Variants in PJA2 observed in about 807,000 individuals in gnomAD.
PJA2 encodes praja ring finger ubiquitin ligase 2, also known as E3 ubiquitin-protein ligase Praja-2.
A neutral mutation model predicts 69.3 loss-of-function variants in PJA2; 25 were observed. The ratio of observed to expected loss-of-function variants is 0.36; its 90% CI spans 0.26 to 0.50. The LOEUF (loss-of-function observed/expected upper bound fraction) is 0.50. Ranked by LOEUF, PJA2 falls within the 20% of genes least tolerant of loss-of-function variation. The pLI is 0.96. For missense variants in PJA2, 809 were observed against 830.2 expected, an observed-to-expected ratio of 0.97 and a Z score of 0.31; for synonymous variants, 308 against 277.8, an observed-to-expected ratio of 1.11 and a Z score of -1.08.
At chr5:109,367,907 C>A (rs1167649233) in intron 5 of PJA2, among the ~76,000 whole-genome samples, 1 of 152,146 alleles carries the variant, frequency 6.6e-6, no homozygotes, top group African/African-American at 2.4e-5. Flanking sequence ...TGCTAGAAAC[C>A]CATAAAATAG....
At chr5:109,366,316 C>G (rs979880011) in intron 5 of PJA2, among the ~76,000 whole-genome samples, 1 of 152,136 alleles carries the variant, frequency 6.6e-6, no homozygotes, top group African/African-American at 2.4e-5. Flanking sequence ...GCTCTAAGAG[C>G]AAGTCTAAGG....
In PJA2 at chr5:109,409,954, T is replaced by TGTGGCGGCG. The variant is rs1554056496; in HGVS notation, c.-209_-201dup. The TGTGGCGGCG allele has an allele frequency of 9.5e-6, 2 of 211,104 alleles. No individual in the cohort carries two copies. The highest frequency in any genetic ancestry group is 6.2e-5 in the Admixed American group (1 of 16,084). The allele number at this position is 211,104 out of a possible 1,614,324, so 13.1% of individuals were successfully genotyped here. A position where few individuals can be genotyped will look rare whatever the true frequency, so the allele number is the denominator to read the frequency against. On this transcript the variant is annotated 5_prime_UTR_variant, in exon 1 of 10. Transcript: ENST00000361189. The stretch of plus-strand genomic sequence containing the variant: ...CGCCGAACGCGAAGCGGCTGGCGGC[T>TGTGGCGGCG]GTGGCGGCGGCGGCGGCGGTGGCGG...
At chr5:109,356,406 C>G (rs1446229780) in intron 6 of PJA2, among the ~76,000 whole-genome samples, 1 of 152,142 alleles carries the variant, frequency 6.6e-6, no homozygotes, top group African/African-American at 2.4e-5. Context: ...GTACATCATA[C>G]TGGCACTCAA....
At chr5:109,391,475 A>G (rs1400340625) in intron 1 of PJA2, among the ~76,000 whole-genome samples, 1 of 151,502 alleles carries the variant, frequency 6.6e-6, no homozygotes, top group African/African-American at 2.4e-5. Context: ...ATAGTATTCT[A>G]CATTAGACAC....
At position 109,379,177 on chromosome 5, in the gene PJA2, T is replaced by C; in HGVS notation, c.310A>G (p.Thr104Ala). ...GTTTGATTCAATGCTGAACCACAAGTGGGAATTTCTGTTTCACTTTTTTCA... is the reference window on the plus strand; with the variant it reads ...GTTTGATTCAATGCTGAACCACAAGCGGGAATTTCTGTTTCACTTTTTTCA... ...IFEKSETEIPTCGSALNQTTE... is the reference protein window; with the variant it reads ...IFEKSETEIPACGSALNQTTE... Residue 104 changes from threonine to alanine, a missense_variant, in exon 4 of 10, where the codon ACT becomes GCT. Thr to Ala is a moderately conservative substitution (Grantham distance 58). Around this residue, in one of 4 missense-constraint regions of PJA2, gnomAD observed 700 missense variants for 639.5 expected, o/e 1.09. Coordinates refer to ENST00000361189, the MANE Select transcript of PJA2 (RefSeq NM_014819.5). 6.2e-7 allele frequency: 1 copy of C among 1,614,004 alleles called. No homozygotes were observed. Among genetic ancestry groups the C allele is most frequent in the Non-Finnish European group, 8.5e-7 (1 of 1,179,956 alleles).
chr5:109,348,934 A>G (rs1037413454), intron 7 of PJA2, among the ~76,000 whole-genome samples: 2 of 152,098 alleles, frequency 1.3e-5, no homozygotes, highest in African/African-American at 2.4e-5. Flanking sequence ...TCCCATTTCT[A>G]TTTCAATATG....
intron 3 of PJA2, among the ~76,000 whole-genome samples, chr5:109,380,940 C>A (rs922809746): frequency 6.6e-6 from 1 of 151,546 alleles, no homozygotes; most frequent in Admixed American, 6.6e-5. Flanking sequence ...CGTGGTGAAA[C>A]CCTGTCTCTA....
intron 4 of PJA2, among the ~76,000 whole-genome samples, chr5:109,376,167 C>T (rs1362441553): frequency 6.6e-6 from 1 of 151,264 alleles, no homozygotes; most frequent in Non-Finnish European, 1.5e-5. Context: ...ATACCCTAAC[C>T]ACAGGCTCTG....
intron 7 of PJA2, among the ~76,000 whole-genome samples, chr5:109,351,644 C>G (rs548418623): frequency 6.6e-6 from 1 of 152,088 alleles, no homozygotes; most frequent in South Asian, 2.1e-4. Context: ...AGGTTTTACC[C>G]TCTCCTCACT....
At chr5:109,372,923 A>AAAAAAAAAAAAAAAAG (rs1272538036) in intron 4 of PJA2, among the ~76,000 whole-genome samples, 10 of 136,770 alleles carry the variant, frequency 7.3e-5, no homozygotes, top group South Asian at 4.8e-4. Context: ...AAAAAAAAAA[A>AAAAAAAAAAAAAAAAG]AAAGAAAGAA....
chr5:109,400,752 G>C (rs937320024), intron 1 of PJA2, among the ~76,000 whole-genome samples: 2 of 152,082 alleles, frequency 1.3e-5, no homozygotes, highest in Non-Finnish European at 2.9e-5. Context: ...GGCAGAGGCA[G>C]GTGGATCACG....
At chr5:109,338,042 A>C (rs531264565) in intron 9 of PJA2, among the ~76,000 whole-genome samples, 238 of 152,256 alleles carry the variant, frequency 1.6e-3, no homozygotes, top group Non-Finnish European at 2.9e-3. Context: ...TACTAGGAGC[A>C]CAACATTCTA....
chr5:109,368,803 G>A (rs1762626687), intron 4 of PJA2, 57 bp from the exon 5 acceptor site: 7 of 1,512,134 alleles, frequency 4.6e-6, no homozygotes, highest in Non-Finnish European at 5.4e-6. Flanking sequence ...TTTATCATTT[G>A]GGGTGTTAAC....
At chr5:109,384,054 A>G (rs946452074) in intron 1 of PJA2, among the ~76,000 whole-genome samples, 3 of 152,270 alleles carry the variant, frequency 2.0e-5, no homozygotes, top group South Asian at 2.1e-4. Context: ...GCCTAAGTAT[A>G]TATCATCCTT....
At chr5:109,389,904 A>ATTTTTTTTT (rs56405345) in intron 1 of PJA2, among the ~76,000 whole-genome samples, 1 of 143,498 alleles carries the variant, frequency 7.0e-6, no homozygotes. Context: ...TTTGCAGTCT[A>ATTTTTTTTT]TTTTTTTTTT....
At chr5:109,400,490 G>A (rs1747515805) in intron 1 of PJA2, among the ~76,000 whole-genome samples, 1 of 149,264 alleles carries the variant, frequency 6.7e-6, no homozygotes, top group Admixed American at 6.7e-5. Flanking sequence ...AGGGGGAGGG[G>A]GGGGAAGGGC....
At chr5:109,395,431 G>C (rs769436123) in intron 1 of PJA2, among the ~76,000 whole-genome samples, 1 of 152,066 alleles carries the variant, frequency 6.6e-6, no homozygotes, top group Non-Finnish European at 1.5e-5. Flanking sequence ...GCGAGGCTGA[G>C]GTGGGAGGTC....
intron 1 of PJA2, among the ~76,000 whole-genome samples, chr5:109,389,243 T>G (rs1747230611): frequency 6.6e-6 from 1 of 152,146 alleles, no homozygotes; most frequent in Non-Finnish European, 1.5e-5. Flanking sequence ...CTTACTTAAA[T>G]GTAAGGCAGA....
At chr5:109,384,967 C>T (rs984431858) in intron 1 of PJA2, among the ~76,000 whole-genome samples, 1 of 152,082 alleles carries the variant, frequency 6.6e-6, no homozygotes, top group Non-Finnish European at 1.5e-5. Context: ...TAGGCGTGTG[C>T]CACCATGCCC....
Sources: allele counts gnomAD v4.1 joint callset (sites outside exome capture counted in the v4.1 genomes callset), GRCh38; gene constraint gnomAD v4.1.1; regional missense constraint gnomAD v4.1.1; transcripts MANE v1.5; gene names NCBI Gene and HGNC (gene_info 2026-07-23, HGNC 2026-07-21).